Variants in ADAMTS3 observed in about 807,000 individuals in gnomAD.
ADAMTS3 encodes A disintegrin and metalloproteinase with thrombospondin motifs 3.
Under a neutral mutation model 129.0 loss-of-function variants are expected in ADAMTS3, and 73 were observed. That is an observed-to-expected ratio of 0.57 (90% confidence interval 0.47 to 0.69). The LOEUF (loss-of-function observed/expected upper bound fraction) is 0.69. Ranked by LOEUF, ADAMTS3 falls within the 30% of genes least tolerant of loss-of-function variation. ADAMTS3 has a pLI of 0.00. For missense variants in ADAMTS3, 1,457 were observed against 1,514.5 expected (o/e 0.96, Z 0.63); for synonymous variants, 477 against 510.8 (o/e 0.93, Z 0.89).
chr4:72,429,850 C>A (rs1242464564), intron 3 of ADAMTS3, among the ~76,000 whole-genome samples: 2 of 151,888 alleles, frequency 1.3e-5, no homozygotes, highest in African/African-American at 4.8e-5. Context: ...TAGAAAAGAC[C>A]ATATCATGGT....
At chr4:72,557,837 A>G (rs1452077334) in intron 2 of ADAMTS3, among the ~76,000 whole-genome samples, 1 of 151,872 alleles carries the variant, frequency 6.6e-6, no homozygotes, top group Non-Finnish European at 1.5e-5. Flanking sequence ...CAAATAATCA[A>G]TAACAAAATA....
intron 3 of ADAMTS3, among the ~76,000 whole-genome samples, chr4:72,463,688 C>T (rs1368779745): frequency 3.9e-5 from 3 of 76,998 alleles, no homozygotes; most frequent in Non-Finnish European, 7.7e-5. Flanking sequence ...TTTTTGGATA[C>T]TAAAACAGGC....
At chr4:72,322,402 G>T (rs1719579791) in intron 6 of ADAMTS3, among the ~76,000 whole-genome samples, 1 of 152,114 alleles carries the variant, frequency 6.6e-6, no homozygotes, top group South Asian at 2.1e-4. Flanking sequence ...CCTCCTTAAA[G>T]GAGCTAAACT....
chr4:72,312,642 T>C (rs1256932751), intron 12 of ADAMTS3, among the ~76,000 whole-genome samples, 176 bp from the exon 13 acceptor site: 1 of 151,946 alleles, frequency 6.6e-6, no homozygotes, highest in Non-Finnish European at 1.5e-5. Context: ...CCCTGCTGGG[T>C]GGAAAAATAA....
chr4:72,464,029 G>A (rs1398983364), intron 3 of ADAMTS3, among the ~76,000 whole-genome samples: 2 of 151,912 alleles, frequency 1.3e-5, no homozygotes, highest in South Asian at 4.1e-4. Flanking sequence ...ATATAAACGT[G>A]CTTTTATTGA....
chr4:72,549,607 A>T (rs1721557107), intron 2 of ADAMTS3, among the ~76,000 whole-genome samples: 2 of 152,116 alleles, frequency 1.3e-5, no homozygotes, highest in Admixed American at 1.3e-4. Context: ...AAGAATGGGT[A>T]AAGAAGACAT....
intron 4 of ADAMTS3, among the ~76,000 whole-genome samples, chr4:72,359,333 C>T (rs1402325946): frequency 6.6e-6 from 1 of 151,956 alleles, no homozygotes; most frequent in Non-Finnish European, 1.5e-5. Context: ...TATTCTGGAC[C>T]TCAAGGTATT....
At chr4:72,560,131 G>A (rs1721867398) in intron 2 of ADAMTS3, among the ~76,000 whole-genome samples, 1 of 149,030 alleles carries the variant, frequency 6.7e-6, no homozygotes, top group Non-Finnish European at 1.5e-5. Context: ...CTAGTCATAT[G>A]CAGAAAATTG....
intron 2 of ADAMTS3, among the ~76,000 whole-genome samples, chr4:72,549,304 T>A (rs949462442): frequency 6.6e-6 from 1 of 152,198 alleles, no homozygotes; most frequent in Non-Finnish European, 1.5e-5. Context: ...TTTTCATTTT[T>A]TCCCTGTAGA....
In ADAMTS3 at chr4:72,303,994, C is replaced by G; in HGVS notation, c.2347G>C (p.Glu783Gln). 1 of 1,613,722 alleles carries G rather than the reference C, an allele frequency of 6.2e-7. No individual in the cohort carries two copies. Among genetic ancestry groups the G allele is most frequent in the Non-Finnish European group, 8.5e-7 (1 of 1,179,720 alleles). The change falls in exon 17 of 22, where the codon GAG (glutamate) becomes CAG (glutamine). Residue 783 changes from glutamate (E) to glutamine (Q), a missense_variant. Coordinates refer to ENST00000286657, the MANE Select transcript of ADAMTS3 (RefSeq NM_014243.3). ...TCATCTTCAATGTTATAATCCCACT[C>G]CACACCAAGATCTATGAAGGTCCGC... Reference protein sequence around the residue: ...KSRTFIDLGVEWDYNIEDDIE... With the variant: ...KSRTFIDLGVQWDYNIEDDIE...
At chr4:72,520,134 C>T (rs1475431495) in intron 3 of ADAMTS3, among the ~76,000 whole-genome samples, 2 of 152,200 alleles carry the variant, frequency 1.3e-5, no homozygotes, top group South Asian at 2.1e-4. Context: ...GTATCAGCAG[C>T]GGTGGCTGCA....
At chr4:72,516,621 G>A (rs1476018094) in intron 3 of ADAMTS3, among the ~76,000 whole-genome samples, 1 of 152,130 alleles carries the variant, frequency 6.6e-6, no homozygotes, top group Non-Finnish European at 1.5e-5. Context: ...GTTCACTCAT[G>A]ATTTGGCTCT....
intron 4 of ADAMTS3, among the ~76,000 whole-genome samples, chr4:72,354,418 T>A (rs1367653655): frequency 6.6e-6 from 1 of 151,942 alleles, no homozygotes; most frequent in Non-Finnish European, 1.5e-5. Flanking sequence ...TTATCACACA[T>A]TTTCTTTATT....
chr4:72,466,961 G>T (rs1161289990), intron 3 of ADAMTS3, among the ~76,000 whole-genome samples: 1 of 151,882 alleles, frequency 6.6e-6, no homozygotes, highest in Non-Finnish European at 1.5e-5. Context: ...TACCTCAAGG[G>T]GATACTGAGA....
chr4:72,517,968 G>T (rs1720542127), intron 3 of ADAMTS3, among the ~76,000 whole-genome samples: 1 of 150,856 alleles, frequency 6.6e-6, no homozygotes, highest in Non-Finnish European at 1.5e-5. Context: ...TCTCTTGTGG[G>T]CATTTAGTGC....
intron 3 of ADAMTS3, among the ~76,000 whole-genome samples, chr4:72,516,197 T>A (rs1312686801): frequency 2.0e-5 from 3 of 152,236 alleles, no homozygotes; most frequent in East Asian, 3.9e-4. Flanking sequence ...TTGTTCTATA[T>A]CTCTGTTTTG....
chr4:72,309,829 A>G (rs1719185878), intron 14 of ADAMTS3, among the ~76,000 whole-genome samples: 1 of 152,118 alleles, frequency 6.6e-6, no homozygotes, highest in South Asian at 2.1e-4. Context: ...TGAGGAGACA[A>G]GAAAACAACA....
At chr4:72,388,049 T>C (rs1467552375) in intron 4 of ADAMTS3, among the ~76,000 whole-genome samples, 1 of 152,224 alleles carries the variant, frequency 6.6e-6, no homozygotes, top group Non-Finnish European at 1.5e-5. Context: ...AAAACCAGAC[T>C]ACTTTGTAAA....
chr4:72,289,645 G>T (rs1424631864), intron 20 of ADAMTS3, among the ~76,000 whole-genome samples: 1 of 152,202 alleles, frequency 6.6e-6, no homozygotes, highest in Non-Finnish European at 1.5e-5. Context: ...TTGTAACAAT[G>T]TTGAGAGGGA....
Sources: allele counts gnomAD v4.1 joint callset (sites outside exome capture counted in the v4.1 genomes callset), GRCh38; gene constraint gnomAD v4.1.1; transcripts MANE v1.5; gene names NCBI Gene and HGNC (gene_info 2026-07-23, HGNC 2026-07-21).